The following CDH23 variants were observed in gnomAD, a reference collection of about 807,000 sequenced individuals.
CDH23 encodes cadherin related 23, also known as cadherin-23.
A neutral mutation model predicts 317.1 loss-of-function variants in CDH23; 189 were observed. That is an observed-to-expected ratio of 0.60 (90% confidence interval 0.53 to 0.67). The LOEUF (loss-of-function observed/expected upper bound fraction) is 0.67. CDH23 is among the 30% of genes least tolerant of loss of function. The pLI is 0.00. For synonymous variants in CDH23, 1,839 were observed against 1,876.8 expected (o/e 0.98, Z 0.52); for missense variants, 4,401 against 4,592.4 (o/e 0.96, Z 1.20).
At chr10:71,554,791 C>T (rs1856789984) in intron 6 of CDH23, among the ~76,000 whole-genome samples, 1 of 151,934 alleles carries the variant, frequency 6.6e-6, no homozygotes, top group African/African-American at 2.4e-5. Flanking sequence ...ATTTTATCTC[C>T]ACCCCAGCTC....
At chr10:71,550,738 C>T (rs1856551513) in intron 6 of CDH23, among the ~76,000 whole-genome samples, 1 of 152,106 alleles carries the variant, frequency 6.6e-6, no homozygotes, top group African/African-American at 2.4e-5. Context: ...TCCTCAAGGC[C>T]ACTGAGTGTA....
rs762943002 is a variant in CDH23, at chr10:71,690,518, T to C, written c.2110T>C (p.Tyr704His). Residue 704 changes from tyrosine (Y) to histidine (H), a missense_variant, in exon 20 of 70, where the codon TAC becomes CAC. By Grantham distance (83) the Tyr-to-His change is moderately conservative. Around this residue, in one of 3 missense-constraint regions of CDH23, gnomAD observed 3,068 missense variants for 3,203.3 expected, o/e 0.96. Coordinates refer to ENST00000224721, the MANE Select transcript of CDH23 (RefSeq NM_022124.6). ...CACAGACCTGGACCGCTCCCGGGAG[T>C]ACGGCCAGGAGTCCATCATCTACTC... ...NATDLDRSRE[Y>H]GQESIIYSLE... The C allele has an allele frequency of 6.2e-7, 1 of 1,610,964 alleles. No homozygotes were observed. The highest frequency in any genetic ancestry group is 8.5e-7 in the Non-Finnish European group (1 of 1,178,960).
intron 9 of CDH23, among the ~76,000 whole-genome samples, chr10:71,610,016 A>T (rs1187824298): frequency 1.8e-4 from 27 of 151,658 alleles, no homozygotes; most frequent in Non-Finnish European, 2.9e-5. Context: ...GAGAGACGAG[A>T]GAGAGAGAGA....
At chr10:71,735,856 C>G (rs1390467393) in intron 34 of CDH23, among the ~76,000 whole-genome samples, 2 of 152,208 alleles carry the variant, frequency 1.3e-5, no homozygotes, top group African/African-American at 4.8e-5. Context: ...CTCAGCTATG[C>G]TCCCCAAGGG....
chr10:71,785,357 A>G (rs1841075559), intron 43 of CDH23, among the ~76,000 whole-genome samples: 2 of 152,206 alleles, frequency 1.3e-5, no homozygotes, highest in Admixed American at 6.5e-5. Context: ...TGGTTTAATC[A>G]AGACGCACCA....
intron 3 of CDH23, among the ~76,000 whole-genome samples, chr10:71,470,317 T>C (rs559838509): frequency 6.6e-6 from 1 of 152,210 alleles, no homozygotes; most frequent in Non-Finnish European, 1.5e-5. Context: ...ACCATTTCTA[T>C]GTGTACAGTT....
intron 2 of CDH23, among the ~76,000 whole-genome samples, chr10:71,442,856 C>T (rs973588692): frequency 3.3e-5 from 5 of 152,190 alleles, no homozygotes; most frequent in African/African-American, 7.2e-5. Flanking sequence ...GCAGTCACCT[C>T]AATGGTGACC....
At chr10:71,755,396 G>C (rs564599612) in intron 38 of CDH23, 29 of 1,613,460 alleles carry the variant, frequency 1.8e-5, no homozygotes, top group Middle Eastern at 3.3e-4. Context: ...TGTAGACCAG[G>C]AGCAGGATGA....
intron 6 of CDH23, among the ~76,000 whole-genome samples, chr10:71,566,247 C>T (rs1857391194): frequency 6.6e-6 from 1 of 152,066 alleles, no homozygotes. Context: ...ATCCACAAAC[C>T]CAGGAAGAAC....
intron 3 of CDH23, among the ~76,000 whole-genome samples, chr10:71,487,656 C>G (rs986675911): frequency 6.6e-6 from 1 of 152,180 alleles, no homozygotes; most frequent in Non-Finnish European, 1.5e-5. Flanking sequence ...TAACTGCTCA[C>G]TTTTCTCCGT....
At chr10:71,506,895 A>G (rs1213038558) in intron 3 of CDH23, among the ~76,000 whole-genome samples, 1 of 152,108 alleles carries the variant, frequency 6.6e-6, no homozygotes, top group Non-Finnish European at 1.5e-5. Context: ...CACATAATTG[A>G]GGGGAAAATG....
intron 1 of CDH23, among the ~76,000 whole-genome samples, chr10:71,436,899 A>G (rs564865125): frequency 1.3e-5 from 2 of 152,190 alleles, no homozygotes; most frequent in East Asian, 3.9e-4. Context: ...TTAATTGCCC[A>G]ATGCCTCGGT....
intron 1 of CDH23, among the ~76,000 whole-genome samples, chr10:71,410,849 T>C (rs1848316744): frequency 6.6e-6 from 1 of 152,252 alleles, no homozygotes; most frequent in Admixed American, 6.5e-5. Context: ...TTCCATGTTG[T>C]GAATATACCA....
chr10:71,812,823 G>C lies in CDH23; in HGVS notation c.9566G>C (p.Arg3189Pro). ...AAGCCTGATGATGACCGATACCTGCGGGCTGCCATCCAGGAGTATGACAAC... is the reference window on the plus strand; with the variant it reads ...AAGCCTGATGATGACCGATACCTGCCGGCTGCCATCCAGGAGTATGACAAC... ...AVKPDDDRYL[R>P]AAIQEYDNIA... Residue 3189 changes from arginine (R) to proline (P), a missense_variant, in exon 68 of 70, where the codon CGG becomes CCG. Arg to Pro is a moderately radical substitution (Grantham distance 103). Transcript: ENST00000224721. The C allele has an allele frequency of 6.2e-7, 1 of 1,613,510 alleles. No homozygotes were observed. The highest frequency in any genetic ancestry group is 1.6e-4 in the Middle Eastern group (1 of 6,062).
intron 52 of CDH23, among the ~76,000 whole-genome samples, chr10:71,800,410 G>C (rs1841524111): frequency 6.6e-6 from 1 of 152,144 alleles, no homozygotes; most frequent in Non-Finnish European, 1.5e-5. Flanking sequence ...CTAGTTCCTG[G>C]TCAGGCAGGT....
chr10:71,635,477 G>C (rs1191663636), intron 11 of CDH23, among the ~76,000 whole-genome samples: 1 of 152,182 alleles, frequency 6.6e-6, no homozygotes, highest in Non-Finnish European at 1.5e-5. Flanking sequence ...CCCTTAAAGA[G>C]GGAAAATCAA....
At position 71,618,587 on chromosome 10, in the gene CDH23, G is replaced by A. The variant is rs113700579; in HGVS notation, c.1134+1194G>A. Reference sequence around the variant, plus strand: ...TTTCCAGCCTGAGGTGCTTCTCTTCGATTACTCCTTGCGTGGGGCTGCCGC... The same window carrying A: ...TTTCCAGCCTGAGGTGCTTCTCTTCAATTACTCCTTGCGTGGGGCTGCCGC... On this transcript the variant is annotated intron_variant, in intron 11 of 69. Transcript: ENST00000224721. Among the ~76,000 whole-genome samples the A allele has an allele frequency of 2.9e-3, 445 of 152,270 alleles. 2 individuals are homozygous for A. Among genetic ancestry groups the A allele is most frequent in the African/African-American group, 9.9e-3 (411 of 41,540 alleles).
intron 38 of CDH23, chr10:71,753,101 G>A (rs1239068534): frequency 9.8e-6 from 14 of 1,424,662 alleles, no homozygotes; most frequent in African/African-American, 2.9e-5. Flanking sequence ...GAACAGGAGC[G>A]AGCCCAGGAG....
chr10:71,455,463 T>C (rs79925464), intron 3 of CDH23, among the ~76,000 whole-genome samples: 5,842 of 152,208 alleles, frequency 0.038, 161 homozygotes, highest in Middle Eastern at 0.068. Context: ...ATTAGATAGA[T>C]AGATAGGTAG....
Sources: gnomAD v4.1 joint callset for allele counts (sites outside exome capture counted in the v4.1 genomes callset) on GRCh38, gnomAD v4.1.1 for gene constraint, gnomAD v4.1.1 regional missense constraint, MANE v1.5 for transcripts, NCBI Gene and HGNC (gene_info 2026-07-23, HGNC 2026-07-21) for gene names.